NFAT5: variants seen among roughly 807,000 people sequenced by gnomAD.
NFAT5 encodes nuclear factor of activated T cells 5, also known as nuclear factor of activated T-cells 5.
A neutral mutation model predicts 166.5 loss-of-function variants in NFAT5; 31 were observed. The ratio of observed to expected loss-of-function variants is 0.19; its 90% CI spans 0.14 to 0.25. The LOEUF is 0.25. Among genes scored for constraint, NFAT5 ranks in the 10% least tolerant of loss-of-function variants. The pLI, the probability that NFAT5 is intolerant of heterozygous loss-of-function variation, is 1.00. For synonymous variants in NFAT5, 612 were observed against 639.7 expected (o/e 0.96, Z 0.65); for missense variants, 1,449 against 1,821.8 (o/e 0.80, Z 3.72).
At chr16:69,568,393 T>A in intron 1 of NFAT5, 102 bp from the exon 2 acceptor site, 3 of 501,668 alleles carry the variant, frequency 6.0e-6, no homozygotes, top group Non-Finnish European at 3.6e-6. Context: ...TATATATATA[T>A]ACACACACAC....
At chr16:69,662,672 G>A (rs1255110021) in intron 7 of NFAT5, among the ~76,000 whole-genome samples, 1 of 151,956 alleles carries the variant, frequency 6.6e-6, no homozygotes, top group Non-Finnish European at 1.5e-5. Flanking sequence ...GTGTTAGCCA[G>A]GATGGTCTCG....
chr16:69,648,729 C>G, intron 4 of NFAT5: 3 of 975,188 alleles, frequency 3.1e-6, no homozygotes, highest in Non-Finnish European at 3.7e-6. Context: ...AAATTTAACT[C>G]TCTAGGACCC....
chr16:69,566,051 C>CT lies in NFAT5; in HGVS notation c.-249dup, dbSNP rs1555515023. The CT allele has an allele frequency of 3.1e-5, 16 of 519,312 alleles. No individual in the cohort carries two copies. The highest frequency in any genetic ancestry group is 5.1e-5 in the Non-Finnish European group (15 of 295,914). The allele number at this position is 519,312 out of a possible 1,614,324, so 32.2% of individuals were successfully genotyped here. ...CGAAACGGACCCTTTGGCTCTCCCC[C>CT]TTCCCCTTCCCCGTCCTGAACCCCT... On this transcript the variant is annotated 5_prime_UTR_variant, in exon 1 of 15. Coordinates refer to ENST00000349945, the MANE Select transcript of NFAT5 (RefSeq NM_138713.4). This position sits in a 1 kb window ranked among gnomAD's most constrained non-coding sequence, Gnocchi z 5.7.
intron 2 of NFAT5, among the ~76,000 whole-genome samples, chr16:69,589,661 C>A (rs534818301): frequency 6.6e-6 from 1 of 152,176 alleles, no homozygotes; most frequent in Non-Finnish European, 1.5e-5. Context: ...CAGGATGATT[C>A]AAATCACTTT....
In NFAT5 at chr16:69,697,076, TA is replaced by T. The variant is rs1419320758; in HGVS notation, c.*731del. The T allele has an allele frequency of 6.6e-6, 1 of 152,620 alleles. No individual in the cohort carries two copies. The highest frequency in any genetic ancestry group is 1.5e-5 in the Non-Finnish European group (1 of 68,012). The allele number at this position is 152,620 out of a possible 1,614,324, so 9.5% of individuals were successfully genotyped here. A position where few individuals can be genotyped will look rare whatever the true frequency, so the allele number is the denominator to read the frequency against. On this transcript the variant is annotated 3_prime_UTR_variant, in exon 15 of 15. Transcript: ENST00000349945. ...CTGTGCATAGAAAAATAATTATCTG[TA>T]AAAAATGAAGGGGATAATATATGAT...
At chr16:69,650,362 G>T (rs777861533) in intron 4 of NFAT5, among the ~76,000 whole-genome samples, 1 of 151,692 alleles carries the variant, frequency 6.6e-6, no homozygotes, top group Non-Finnish European at 1.5e-5. Context: ...TGTTTTCATG[G>T]TTTTACATGT....
At chr16:69,635,192 G>T (rs1208172593) in intron 3 of NFAT5, among the ~76,000 whole-genome samples, 1 of 151,706 alleles carries the variant, frequency 6.6e-6, no homozygotes, top group Non-Finnish European at 1.5e-5. Flanking sequence ...TGTATTTTTA[G>T]TAGAGACAGG....
intron 2 of NFAT5, among the ~76,000 whole-genome samples, chr16:69,571,167 G>T (rs2016413999): frequency 7.1e-6 from 1 of 140,682 alleles, no homozygotes; most frequent in African/African-American, 2.7e-5. Context: ...AGCCAGGCAT[G>T]GTGGCATACA....
At chr16:69,660,643 A>G (rs1173273629) in intron 7 of NFAT5, among the ~76,000 whole-genome samples, 1 of 152,156 alleles carries the variant, frequency 6.6e-6, no homozygotes, top group Non-Finnish European at 1.5e-5. Context: ...GGGAAATTCA[A>G]TTCTTATCAC....
chr16:69,669,185 G>A (rs1169955650), intron 7 of NFAT5, among the ~76,000 whole-genome samples: 1 of 152,136 alleles, frequency 6.6e-6, no homozygotes, highest in Non-Finnish European at 1.5e-5. Flanking sequence ...GTGAACCACT[G>A]CACCCAGCCC....
intron 7 of NFAT5, among the ~76,000 whole-genome samples, chr16:69,661,711 A>G (rs1055062800): frequency 2.6e-4 from 39 of 152,096 alleles, no homozygotes; most frequent in Admixed American, 2.4e-3. Flanking sequence ...GGTTCGAGTC[A>G]CCTGTAGTGC....
intron 2 of NFAT5, among the ~76,000 whole-genome samples, chr16:69,623,275 G>A (rs535586926): frequency 6.6e-6 from 1 of 151,404 alleles, no homozygotes; most frequent in South Asian, 2.1e-4. Flanking sequence ...TTTTAATTAG[G>A]TTCTCCCTAT....
chr16:69,626,292 A>C, intron 2 of NFAT5, 111 bp from the exon 3 acceptor site: 1 of 976,082 alleles, frequency 1.0e-6, no homozygotes, highest in Non-Finnish European at 1.4e-6. Context: ...ATTGTTTGTG[A>C]ATAATACAGT....
Position 69,568,342 on chromosome 16 carries a change from A to ATGTGTGTGTGTGTGTGTGTGTG in NFAT5, c.74-152_74-151insGTGTGTGTGTGTGTGTGTGTGT, listed in dbSNP as rs1490882720. Among the ~76,000 whole-genome samples the ATGTGTGTGTGTGTGTGTGTGTG allele has an allele frequency of 3.3e-3, 159 of 47,820 alleles. 1 individual carries two copies. Among genetic ancestry groups the ATGTGTGTGTGTGTGTGTGTGTG allele is most frequent in the Non-Finnish European group, 4.8e-3 (121 of 25,038 alleles). 31.4% of individuals were successfully genotyped at this position (47,820 alleles called of 152,430 possible). On this transcript the variant is annotated intron_variant, in intron 1 of 14. Coordinates refer to ENST00000349945, the MANE Select transcript of NFAT5 (RefSeq NM_138713.4). ...TTTCAAAATGTATGTGTGTATATAT[A>ATGTGTGTGTGTGTGTGTGTGTG]TATATGTGTGTGTGTGTGTGTGTGT... is the stretch of plus-strand genomic sequence containing the variant.
At chr16:69,655,572 C>G in intron 5 of NFAT5, 37 bp from the exon 6 acceptor site, 1 of 1,434,900 alleles carries the variant, frequency 7.0e-7, no homozygotes, top group Non-Finnish European at 9.4e-7. Flanking sequence ...ATTTGAAATA[C>G]TAATTAGTGT....
rs936764677 is a variant in NFAT5 at position 69,698,113 on chromosome 16, A to G, written c.*1762A>G. On this transcript the variant is annotated 3_prime_UTR_variant, in exon 15 of 15. Coordinates refer to ENST00000349945, the MANE Select transcript of NFAT5 (RefSeq NM_138713.4). ...TTTTTTCTCATGTTTTCTTCCCTCC[A>G]CCTCCACCCCTTTCTTTCTTTCTCT... The G allele has an allele frequency of 3.4e-5, 5 of 148,302 alleles. No individual in the cohort carries two copies. The highest frequency in any genetic ancestry group is 9.9e-5 in the African/African-American group (4 of 40,208). The allele number at this position is 148,302 out of a possible 1,614,324, so 9.2% of individuals were successfully genotyped here. A position where few individuals can be genotyped will look rare whatever the true frequency, so the allele number is the denominator to read the frequency against.
intron 2 of NFAT5, among the ~76,000 whole-genome samples, chr16:69,597,972 A>T (rs1298557326): frequency 6.6e-6 from 1 of 152,178 alleles, no homozygotes; most frequent in Non-Finnish European, 1.5e-5. Context: ...CTAGAGAAGA[A>T]GATGTTAGGG....
chr16:69,662,516 G>A lies in NFAT5; in HGVS notation c.1369+2617G>A, dbSNP rs1480828793. Among the ~76,000 whole-genome samples, 4 of 144,562 alleles carry A rather than the reference G, an allele frequency of 2.8e-5. No homozygotes were observed. In the East Asian group the frequency reaches 6.1e-4, roughly 22 times the overall value. 94.8% of individuals were successfully genotyped at this position (144,562 alleles called of 152,430 possible). A position where few individuals can be genotyped will look rare whatever the true frequency, so the allele number is the denominator to read the frequency against. On this transcript the variant is annotated intron_variant, in intron 7 of 14. Coordinates refer to ENST00000349945, the MANE Select transcript of NFAT5 (RefSeq NM_138713.4). ...CTGTTGCCCAGGCTGAAGTGCAGTG[G>A]CATCATGATCTCTGCTCACTGCAAG...
rs137980683 is a variant in NFAT5 at position 69,692,217 on chromosome 16, G to A, written c.2392G>A (p.Ala798Thr). 1 of 1,614,056 alleles carries A rather than the reference G, an allele frequency of 6.2e-7. No homozygotes were observed. The highest frequency in any genetic ancestry group is 1.3e-5 in the African/African-American group (1 of 74,936). Residue 798 changes from alanine to threonine, a missense_variant, in exon 13 of 15, where the codon GCA (alanine) becomes ACA (threonine). By Grantham distance (58) the Ala-to-Thr change is moderately conservative (BLOSUM62 0). Transcript: ENST00000349945. ...TCAGAATACTATTCAGCAGCTGCAAGCAGGGAGTTTCACAGGCAGTACTGC... is the reference window on the plus strand; with the variant it reads ...TCAGAATACTATTCAGCAGCTGCAAACAGGGAGTTTCACAGGCAGTACTGC... Reference protein sequence around the residue: ...QLQNTIQQLQAGSFTGSTASG... With the variant: ...QLQNTIQQLQTGSFTGSTASG...
Sources: allele counts gnomAD v4.1 joint callset (sites outside exome capture counted in the v4.1 genomes callset), GRCh38; gene constraint gnomAD v4.1.1; non-coding constraint Gnocchi (gnomAD v3.1); transcripts MANE v1.5; gene names NCBI Gene and HGNC (gene_info 2026-07-23, HGNC 2026-07-21).